Variants in FOXP1 observed in about 807,000 individuals in gnomAD.
FOXP1 encodes the protein forkhead box protein P1.
A neutral mutation model predicts 98.2 loss-of-function variants in FOXP1; 15 were observed. The ratio of observed to expected loss-of-function variants is 0.15; its 90% CI spans 0.10 to 0.24. FOXP1 has a LOEUF of 0.24. Among genes scored for constraint, FOXP1 ranks in the 10% least tolerant of loss-of-function variants. The pLI is 1.00. For missense variants in FOXP1, 633 were observed against 848.5 expected (o/e 0.75, Z 3.15); for synonymous variants, 371 against 314.5 (o/e 1.18, Z -1.90).
intron 3 of FOXP1, among the ~76,000 whole-genome samples, chr3:71,384,818 A>G (rs1340671110): frequency 6.6e-6 from 1 of 152,218 alleles, no homozygotes; most frequent in Non-Finnish European, 1.5e-5. Flanking sequence ...TGGCCATGTA[A>G]GGAATTAAGA....
At chr3:71,098,108 TTC>T (rs1279394842) in intron 7 of FOXP1, among the ~76,000 whole-genome samples, 3 of 152,202 alleles carry the variant, frequency 2.0e-5, no homozygotes, top group Non-Finnish European at 4.4e-5. Context: ...CTCAATTAAA[TTC>T]TGTTTTGCTT....
At chr3:70,961,728 T>C (rs528078369) in intron 20 of FOXP1, among the ~76,000 whole-genome samples, 27 of 152,198 alleles carry the variant, frequency 1.8e-4, no homozygotes, top group African/African-American at 6.0e-4. Flanking sequence ...TCTGGGGTCT[T>C]TGGCTCAAAA....
Position 71,116,220 on chromosome 3 carries a change from A to T in FOXP1, c.181-3583T>A, listed in dbSNP as rs561502736. On this transcript the variant is annotated intron_variant, in intron 6 of 20. Transcript: ENST00000649528. ...TTTGAAGGGGGTAAAAAAGTCATGT[A>T]TAAGTTTTTTTTTCAGACCCAACAT... 7.2e-5 allele frequency among the ~76,000 whole-genome samples: 11 copies of T among 152,324 alleles called. No individual in the cohort carries two copies. In the East Asian group the frequency reaches 2.1e-3, roughly 29 times the overall value.
chr3:71,099,935 G>T (rs1575680882), intron 7 of FOXP1, among the ~76,000 whole-genome samples: 1 of 152,184 alleles, frequency 6.6e-6, no homozygotes, highest in Non-Finnish European at 1.5e-5. Context: ...AATGCAATTT[G>T]CCCAGTCTCA....
intron 7 of FOXP1, among the ~76,000 whole-genome samples, chr3:71,071,405 C>T (rs759782985): frequency 6.6e-6 from 1 of 152,188 alleles, no homozygotes; most frequent in Non-Finnish European, 1.5e-5. Flanking sequence ...ACAGAGGCCT[C>T]AAGCAGGCTG....
intron 18 of FOXP1, chr3:70,972,334 C>A: frequency 1.2e-6 from 1 of 867,174 alleles, no homozygotes; most frequent in South Asian, 1.7e-5. Flanking sequence ...GCATTGCCAC[C>A]TAAAAGCTAC....
chr3:71,530,481 A>G (rs1040925477), intron 2 of FOXP1, among the ~76,000 whole-genome samples: 1 of 152,178 alleles, frequency 6.6e-6, no homozygotes, highest in East Asian at 1.9e-4. Context: ...ATAGCAACAC[A>G]AAGTGGACCA....
At chr3:71,316,537 C>T (rs1004815882) in intron 4 of FOXP1, among the ~76,000 whole-genome samples, 3 of 152,198 alleles carry the variant, frequency 2.0e-5, no homozygotes, top group African/African-American at 7.2e-5. Flanking sequence ...GGGGCTGGAA[C>T]AAGCACAACA....
intron 3 of FOXP1, among the ~76,000 whole-genome samples, chr3:71,420,185 T>C (rs2083526518): frequency 6.6e-6 from 1 of 152,082 alleles, no homozygotes; most frequent in Admixed American, 6.6e-5. Context: ...TTTCCTCTTA[T>C]GAAAAATGTT....
In FOXP1 at chr3:71,052,532, G is replaced by A. The variant is rs201200839; in HGVS notation, c.510+5C>T. ...GTTTGAAAGTAAAATATGTATTGTC[G>A]GTACCTCTTTAGGCTGTTTTCCAGC... On this transcript the variant is annotated splice_donor_5th_base_variant and intron_variant, in intron 9 of 20. Transcript: ENST00000649528. 8 of 1,129,596 alleles carry A rather than the reference G, an allele frequency of 7.1e-6. No individual in the cohort carries two copies. The highest frequency in any genetic ancestry group is 2.3e-5 in the East Asian group (1 of 42,774). The allele number at this position is 1,129,596 out of a possible 1,614,324, so 70.0% of individuals were successfully genotyped here. A position where few individuals can be genotyped will look rare whatever the true frequency, so the allele number is the denominator to read the frequency against.
intron 20 of FOXP1, among the ~76,000 whole-genome samples, chr3:70,961,120 C>G (rs1435191701): frequency 2.0e-5 from 3 of 152,064 alleles, no homozygotes; most frequent in Admixed American, 2.0e-4. Flanking sequence ...GCGTGAGCCA[C>G]TGCGCCCGGC....
At chr3:71,420,048 A>G (rs1328100971) in intron 3 of FOXP1, among the ~76,000 whole-genome samples, 1 of 151,836 alleles carries the variant, frequency 6.6e-6, no homozygotes, top group African/African-American at 2.4e-5. Context: ...AACTCCTGAG[A>G]TCTGCCCACC....
intron 2 of FOXP1, chr3:71,568,063 A>AG (rs1190507103): frequency 2.3e-5 from 1 of 44,376 alleles, no homozygotes; most frequent in Non-Finnish European, 4.1e-5. Context: ...GGAGGGGAAG[A>AG]GGGGGGGAGG....
At chr3:71,428,173 C>T (rs2084339102) in intron 3 of FOXP1, among the ~76,000 whole-genome samples, 1 of 152,148 alleles carries the variant, frequency 6.6e-6, no homozygotes, top group African/African-American at 2.4e-5. Flanking sequence ...ACATTCAAAG[C>T]CCTCATACCC....
chr3:71,379,281 G>A (rs1365528755), intron 3 of FOXP1, among the ~76,000 whole-genome samples: 1 of 152,104 alleles, frequency 6.6e-6, no homozygotes, highest in African/African-American at 2.4e-5. Flanking sequence ...ATGATTTTAG[G>A]TGGTACAGGC....
At position 71,180,816 on chromosome 3, in the gene FOXP1, CCT is replaced by C. The variant is rs2062245118; in HGVS notation, c.180+17384_180+17385del. The stretch of plus-strand genomic sequence containing the variant: ...CCAAAGATTTTATCTGAAATAAAAC[CCT>C]GATTCAATTCAGATTCTGGAGGCAA... On this transcript the variant is annotated intron_variant, in intron 6 of 20. Coordinates refer to ENST00000649528, the MANE Select transcript of FOXP1 (RefSeq NM_001349338.3). Among the ~76,000 whole-genome samples, 3 of 152,152 alleles carry C rather than the reference CCT, an allele frequency of 2.0e-5. No homozygotes were observed. The South Asian group carries it at 6.2e-4, about 32-fold the overall frequency.
chr3:71,347,520 A>G (rs1324864294), intron 4 of FOXP1, among the ~76,000 whole-genome samples: 2 of 152,152 alleles, frequency 1.3e-5, no homozygotes, highest in African/African-American at 4.8e-5. Context: ...CTGAAGAACT[A>G]AGGTTTACTA....
intron 6 of FOXP1, among the ~76,000 whole-genome samples, chr3:71,112,852 T>A (rs920726780): frequency 3.9e-5 from 6 of 152,184 alleles, no homozygotes; most frequent in Non-Finnish European, 7.3e-5. Context: ...TCATCCACGG[T>A]TCCACAGGCA....
At chr3:71,371,464 T>G (rs900948712) in intron 3 of FOXP1, among the ~76,000 whole-genome samples, 4 of 152,172 alleles carry the variant, frequency 2.6e-5, no homozygotes, top group African/African-American at 9.7e-5. Context: ...CAGAAGTCAC[T>G]GCCTCCAACT....
Sources: allele counts gnomAD v4.1 joint callset (sites outside exome capture counted in the v4.1 genomes callset), GRCh38; gene constraint gnomAD v4.1.1; transcripts MANE v1.5; gene names NCBI Gene and HGNC (gene_info 2026-07-23, HGNC 2026-07-21).